The following TENM4 variants were observed in gnomAD, a reference collection of about 807,000 sequenced individuals.
The protein encoded by TENM4 is teneurin-4.
Under a neutral mutation model 243.3 loss-of-function variants are expected in TENM4, and 82 were observed. The observed-to-expected ratio is 0.34, with a 90% CI of 0.28 to 0.40. The LOEUF is 0.40. Among genes scored for constraint, TENM4 ranks in the 10% least tolerant of loss-of-function variants. TENM4 has a pLI of 1.00. For missense variants in TENM4, 3,138 were observed against 3,673.3 expected, an observed-to-expected ratio of 0.85 and a Z score of 3.77; for synonymous variants, 1,412 against 1,456.3, an observed-to-expected ratio of 0.97 and a Z score of 0.69.
chr11:78,766,661 T>G (rs1017522517), intron 18 of TENM4, among the ~76,000 whole-genome samples: 2 of 151,698 alleles, frequency 1.3e-5, no homozygotes, highest in Non-Finnish European at 2.9e-5. Flanking sequence ...AAAAACAAAC[T>G]AATAAAGCTG....
intron 6 of TENM4, among the ~76,000 whole-genome samples, chr11:79,048,556 G>A (rs1307538953): frequency 6.6e-6 from 1 of 152,062 alleles, no homozygotes; most frequent in African/African-American, 2.4e-5. Context: ...GCTCTGCATG[G>A]TGTGGTGCTT....
At chr11:78,676,825 A>T (rs1858489979) in intron 29 of TENM4, among the ~76,000 whole-genome samples, 1 of 152,244 alleles carries the variant, frequency 6.6e-6, no homozygotes, top group African/African-American at 2.4e-5. Flanking sequence ...GTTTTTCAGA[A>T]TTATAAGTAC....
chr11:79,412,075 G>C (rs1187120182), intron 1 of TENM4, among the ~76,000 whole-genome samples: 1 of 152,158 alleles, frequency 6.6e-6, no homozygotes, highest in African/African-American at 2.4e-5. Flanking sequence ...GTCAGGCCCT[G>C]GTGGCCAGGC....
At chr11:79,391,961 G>GA (rs35653914) in intron 1 of TENM4, among the ~76,000 whole-genome samples, 64,377 of 151,138 alleles carry the variant, frequency 0.43, 13,659 homozygotes, top group Non-Finnish European at 0.46. Context: ...ATTTCCCTTT[G>GA]AAAAAAAAAT....
At chr11:79,127,932 G>A (rs1472838848) in intron 4 of TENM4, among the ~76,000 whole-genome samples, 1 of 152,202 alleles carries the variant, frequency 6.6e-6, no homozygotes, top group African/African-American at 2.4e-5. Context: ...GAGGCACAAT[G>A]CCTAGTGGGC....
chr11:79,158,682 C>T (rs781318594), intron 3 of TENM4, among the ~76,000 whole-genome samples: 1 of 152,166 alleles, frequency 6.6e-6, no homozygotes, highest in East Asian at 1.9e-4. Context: ...CACATTTACG[C>T]CTCAATCAAC....
At chr11:79,316,539 G>A (rs1213540349) in intron 1 of TENM4, among the ~76,000 whole-genome samples, 2 of 152,194 alleles carry the variant, frequency 1.3e-5, no homozygotes, top group African/African-American at 2.4e-5. Context: ...ACTTTAAAGT[G>A]CTCTTGACTT....
chr11:78,990,944 A>G (rs1858027864), intron 6 of TENM4, among the ~76,000 whole-genome samples: 1 of 152,224 alleles, frequency 6.6e-6, no homozygotes, highest in Admixed American at 6.5e-5. Flanking sequence ...CACATGAGCA[A>G]TAATGTTCTG....
intron 17 of TENM4, among the ~76,000 whole-genome samples, chr11:78,776,406 C>T (rs1488653266): frequency 6.6e-6 from 1 of 152,206 alleles, no homozygotes; most frequent in Non-Finnish European, 1.5e-5. Context: ...CTCTGCTAGA[C>T]TGCAGGCACC....
chr11:79,092,761 T>G (rs1860990903), intron 4 of TENM4: 1 of 152,248 alleles, frequency 6.6e-6, no homozygotes, highest in Non-Finnish European at 1.5e-5. Context: ...GGCAGATGTT[T>G]AGAATACAAA....
chr11:79,145,996 CT>C (rs1482556044), intron 4 of TENM4, among the ~76,000 whole-genome samples: 3 of 151,894 alleles, frequency 2.0e-5, no homozygotes, highest in African/African-American at 2.4e-5. Flanking sequence ...GGAGTTTCTT[CT>C]TTTTTTTCTA....
chr11:78,726,129 T>A lies in TENM4; in HGVS notation c.3500A>T (p.Lys1167Met). 6.2e-7 allele frequency: 1 copy of A among 1,614,046 alleles called. No homozygotes were observed. Among genetic ancestry groups the A allele is most frequent in the South Asian group, 1.1e-5 (1 of 91,076 alleles). The change falls in exon 23 of 34, where the codon AAG (lysine) becomes ATG (methionine). Residue 1167 changes from lysine to methionine, a missense_variant. This residue lies in a region of TENM4 where 2,467 missense variants were observed against 3,059.1 expected (regional missense o/e 0.81). Coordinates refer to ENST00000278550, the MANE Select transcript of TENM4 (RefSeq NM_001098816.3). Reference protein sequence around the residue: ...VLQGYEIDASKLGGWSLDKHH... With the variant: ...VLQGYEIDASMLGGWSLDKHH... The stretch of plus-strand genomic sequence containing the variant: ...TTTGTCTAGGCTCCATCCTCCAAGC[T>A]TGGACGCGTCAATTTCATAGCCCTG...
At chr11:79,079,225 C>T (rs1860605025) in intron 4 of TENM4, among the ~76,000 whole-genome samples, 2 of 152,184 alleles carry the variant, frequency 1.3e-5, no homozygotes, top group South Asian at 4.1e-4. Flanking sequence ...GATGGTGCCG[C>T]TGTCTACAGA....
chr11:79,180,341 T>C (rs1451244640), intron 3 of TENM4, among the ~76,000 whole-genome samples: 1 of 151,694 alleles, frequency 6.6e-6, no homozygotes, highest in Non-Finnish European at 1.5e-5. Context: ...GAATTAGACA[T>C]GGGTTTCCTC....
chr11:78,940,739 A>ACT (rs1856874104), intron 6 of TENM4, among the ~76,000 whole-genome samples: 1 of 152,204 alleles, frequency 6.6e-6, no homozygotes, highest in Non-Finnish European at 1.5e-5. Flanking sequence ...ATGCTTGGGC[A>ACT]GGTCACCCTG....
At chr11:79,349,142 A>G (rs1317920721) in intron 1 of TENM4, among the ~76,000 whole-genome samples, 1 of 152,060 alleles carries the variant, frequency 6.6e-6, no homozygotes, top group Non-Finnish European at 1.5e-5. Context: ...CCTTCCTCCT[A>G]TCACATGTCT....
At chr11:78,875,278 A>G (rs957885538) in intron 9 of TENM4, among the ~76,000 whole-genome samples, 2 of 152,100 alleles carry the variant, frequency 1.3e-5, no homozygotes, top group African/African-American at 4.8e-5. Flanking sequence ...GCCCAGGCTC[A>G]CTGCAATCTC....
intron 2 of TENM4, among the ~76,000 whole-genome samples, chr11:79,290,459 A>G (rs928468766): frequency 4.6e-5 from 7 of 152,214 alleles, no homozygotes; most frequent in African/African-American, 1.7e-4. Context: ...GTTTTTTGGC[A>G]TCCGATCAAT....
intron 1 of TENM4, among the ~76,000 whole-genome samples, chr11:79,308,446 A>G (rs1005982788): frequency 2.6e-5 from 4 of 152,142 alleles, no homozygotes; most frequent in African/African-American, 9.7e-5. Flanking sequence ...TGATATTTTG[A>G]GGTATCTGCA....
Sources: allele counts gnomAD v4.1 joint callset (sites outside exome capture counted in the v4.1 genomes callset), GRCh38; gene constraint gnomAD v4.1.1; regional missense constraint gnomAD v4.1.1; transcripts MANE v1.5; gene names NCBI Gene and HGNC (gene_info 2026-07-23, HGNC 2026-07-21).